The following ZBTB44 variants were observed in gnomAD, a reference collection of about 807,000 sequenced individuals.
ZBTB44 encodes zinc finger and BTB domain containing 44.
Under a neutral mutation model 54.0 loss-of-function variants are expected in ZBTB44, and 15 were observed. The observed-to-expected ratio is 0.28, with a 90% confidence interval of 0.19 to 0.43. The LOEUF (loss-of-function observed/expected upper bound fraction) is 0.43, where lower values mean the gene tolerates loss of function less well. ZBTB44 is among the 20% of genes least tolerant of loss of function. The pLI, the probability that ZBTB44 is intolerant of heterozygous loss-of-function variation, is 1.00. For synonymous variants in ZBTB44, 230 were observed against 250.1 expected, an observed-to-expected ratio of 0.92 and a Z score of 0.76; for missense variants, 487 against 707.1, an observed-to-expected ratio of 0.69 and a Z score of 3.53.
chr11:130,239,590 G>A (rs866842173), intron 3 of ZBTB44: 32 of 345,570 alleles, frequency 9.3e-5, no homozygotes, highest in Middle Eastern at 1.8e-3. Context: ...GTACAGATAC[G>A]ATTTAAAGCA....
intron 1 of ZBTB44, among the ~76,000 whole-genome samples, chr11:130,313,907 G>GGTGTGTGTGT (rs59629267): frequency 6.0e-5 from 9 of 149,252 alleles, no homozygotes; most frequent in African/African-American, 2.0e-4. Context: ...AAGGAAAAGA[G>GGTGTGTGTGT]GTGTGTGTGT....
intron 2 of ZBTB44, among the ~76,000 whole-genome samples, chr11:130,244,094 T>C (rs576060562): frequency 1.3e-5 from 2 of 152,336 alleles, no homozygotes; most frequent in Non-Finnish European, 2.9e-5. Flanking sequence ...TCTGATGATC[T>C]ACTTACCTCC....
At chr11:130,238,726 T>A in intron 3 of ZBTB44, 119 bp from the exon 4 acceptor site, 10 of 1,053,990 alleles carry the variant, frequency 9.5e-6, no homozygotes, top group Non-Finnish European at 1.3e-5. Context: ...TGAAACAGTT[T>A]AACTGTTAGA....
chr11:130,261,235 G>T lies in ZBTB44; in HGVS notation c.639C>A (p.Ser213=). 2 of 1,613,932 alleles carry T rather than the reference G, an allele frequency of 1.2e-6. No individual in the cohort carries two copies. The highest frequency in any genetic ancestry group is 1.7e-6 in the Non-Finnish European group (2 of 1,179,890). Residue 213 remains serine, a synonymous_variant, in exon 2 of 8, where the codon TCC becomes TCA. Coordinates refer to ENST00000357899, the MANE Select transcript of ZBTB44 (RefSeq NM_001301098.2). This position sits in a 1 kb window ranked among gnomAD's most constrained non-coding sequence, Gnocchi z 4.8. ...CTGGTTGGTTTCTATTTTCTGAGTA[G>T]GAAGCTGAAGAATTCAATACCTGGG... The part of the protein sequence containing the change: ...SSPQVLNSSA[S]YSENRNQPVD...
chr11:130,299,382 G>C (rs1941863236), intron 1 of ZBTB44, among the ~76,000 whole-genome samples: 1 of 151,828 alleles, frequency 6.6e-6, no homozygotes, highest in Admixed American at 6.6e-5. Flanking sequence ...AAAGGAAACT[G>C]GAATATATTT....
intron 1 of ZBTB44, among the ~76,000 whole-genome samples, chr11:130,283,403 T>C (rs1198323716): frequency 6.6e-6 from 1 of 152,154 alleles, no homozygotes; most frequent in African/African-American, 2.4e-5. Context: ...CACACTGTTG[T>C]GCAACCATTT....
chr11:130,277,732 T>C (rs1215733778), intron 1 of ZBTB44, among the ~76,000 whole-genome samples: 1 of 152,188 alleles, frequency 6.6e-6, no homozygotes, highest in African/African-American at 2.4e-5. Context: ...TGCATTCAAA[T>C]TACCATCTAG....
At position 130,229,721 on chromosome 11, in the gene ZBTB44, A is replaced by C. The variant is rs1187681987; in HGVS notation, c.*2043T>G. On this transcript the variant is annotated 3_prime_UTR_variant, in exon 8 of 8. Coordinates refer to ENST00000357899, the MANE Select transcript of ZBTB44 (RefSeq NM_001301098.2). ...TTCACTGCTTCAGAAAAGAAAATTT[A>C]GCTTTTATACATTCATCTCTCAATA... 2.0e-5 allele frequency: 3 copies of C among 152,178 alleles called. No individual in the cohort carries two copies. Among genetic ancestry groups the C allele is most frequent in the African/African-American group, 7.2e-5 (3 of 41,454 alleles). The allele number at this position is 152,178 out of a possible 1,614,324, so 9.4% of individuals were successfully genotyped here.
At chr11:130,293,344 T>C (rs1050281469) in intron 1 of ZBTB44, among the ~76,000 whole-genome samples, 1 of 149,400 alleles carries the variant, frequency 6.7e-6, no homozygotes, top group Admixed American at 6.7e-5. Flanking sequence ...TGTGGTGCTG[T>C]GCACCTGTAG....
intron 1 of ZBTB44, among the ~76,000 whole-genome samples, chr11:130,311,904 T>C (rs142478390): frequency 6.6e-6 from 1 of 152,254 alleles, no homozygotes; most frequent in East Asian, 1.9e-4. Flanking sequence ...AAATGGTTCC[T>C]ACTGACCAAA....
intron 1 of ZBTB44, among the ~76,000 whole-genome samples, chr11:130,284,004 G>C: frequency 9.0e-6 from 1 of 111,692 alleles, no homozygotes; most frequent in African/African-American, 4.3e-5. Context: ...AAAAAGGCAA[G>C]CAGCTGGGCA....
rs1394357774 is a variant in ZBTB44, at chr11:130,231,069, T to G, written c.*695A>C. ...AGCACTCTAAACTGGAATATTTATG[T>G]TTAGTTACACTGGTAATTTCTAATG... On this transcript the variant is annotated 3_prime_UTR_variant, in exon 8 of 8. Transcript: ENST00000357899. The G allele has an allele frequency of 6.6e-6, 1 of 152,150 alleles. No homozygotes were observed. Among genetic ancestry groups the G allele is most frequent in the Non-Finnish European group, 1.5e-5 (1 of 67,982 alleles). 9.4% of individuals were successfully genotyped at this position (152,150 alleles called of 1,614,324 possible).
chr11:130,234,196 A>G lies in ZBTB44; in HGVS notation c.1646T>C (p.Phe549Ser). ...CATTTGAACAGAGGAGTTGCTTTCA[A>G]AACCGTGTTCTCCAAGATCATATTG... The part of the protein sequence containing the change: ...LVQYDLGEHG[F>S]ESNSSVQMPV... Residue 549 changes from phenylalanine to serine, a missense_variant, in exon 6 of 8, where the codon TTT becomes TCT. By Grantham distance (155) the Phe-to-Ser change is radical. Coordinates refer to ENST00000357899, the MANE Select transcript of ZBTB44 (RefSeq NM_001301098.2). 12 of 1,530,394 alleles carry G rather than the reference A, an allele frequency of 7.8e-6. No homozygotes were observed. The highest frequency in any genetic ancestry group is 1.1e-5 in the Non-Finnish European group (12 of 1,139,116). The allele number at this position is 1,530,394 out of a possible 1,614,324, so 94.8% of individuals were successfully genotyped here.
At chr11:130,276,217 C>T (rs180877015) in intron 1 of ZBTB44, among the ~76,000 whole-genome samples, 1,119 of 44,560 alleles carry the variant, frequency 0.025, 8 homozygotes, top group African/African-American at 0.051. Context: ...CAAGAGTGAA[C>T]GTGAAACTCT....
chr11:130,284,854 C>A (rs146040364), intron 1 of ZBTB44, among the ~76,000 whole-genome samples: 2,967 of 151,506 alleles, frequency 0.02, 49 homozygotes, highest in Non-Finnish European at 0.029. Context: ...GGAAACAGAG[C>A]GAGACTACGT....
chr11:130,261,388 G>A lies in ZBTB44; in HGVS notation c.486C>T (p.Pro162=), dbSNP rs201725052. Residue 162 remains proline (P), a synonymous_variant, in exon 2 of 8, where the codon CCC becomes CCT. Transcript: ENST00000357899. This position sits in a 1 kb window ranked among gnomAD's most constrained non-coding sequence, Gnocchi z 4.8. ...CTACCACACTGCACTCTGAGGACAC[G>A]GGAGAAATGCTCCCATCTCGAGAAG... is the stretch of plus-strand genomic sequence containing the variant. ...NFTSRDGSIS[P]VSSECSVVER... is the part of the protein sequence containing the mutation. The A allele has an allele frequency of 3.8e-3, 6,112 of 1,613,896 alleles. 19 individuals are homozygous for A. Among genetic ancestry groups the A allele is most frequent in the Admixed American group, 5.0e-3 (302 of 60,006 alleles).
At chr11:130,231,766 C>A (rs924782688) in intron 7 of ZBTB44, 51 bp from the exon 8 acceptor site, 1 of 152,086 alleles carries the variant, frequency 6.6e-6, no homozygotes. Context: ...CTTGTCAATA[C>A]AGATTTTAAA....
intron 1 of ZBTB44, among the ~76,000 whole-genome samples, chr11:130,274,511 T>C (rs1319875381): frequency 6.6e-6 from 1 of 152,194 alleles, no homozygotes; most frequent in Non-Finnish European, 1.5e-5. Context: ...AGATGCCCCT[T>C]TTCAGGTTAA....
At chr11:130,232,712 T>C (rs1423649765) in intron 7 of ZBTB44, 10 of 152,124 alleles carry the variant, frequency 6.6e-5, no homozygotes, top group African/African-American at 2.4e-4. Flanking sequence ...AACAATCTAG[T>C]TGGGTTAAGA....
Sources: allele counts gnomAD v4.1 joint callset (sites outside exome capture counted in the v4.1 genomes callset), GRCh38; gene constraint gnomAD v4.1.1; non-coding constraint Gnocchi (gnomAD v3.1); transcripts MANE v1.5; gene names NCBI Gene and HGNC (gene_info 2026-07-23, HGNC 2026-07-21).